Variants in THSD7B observed in about 807,000 individuals in gnomAD.
The protein encoded by THSD7B is thrombospondin type-1 domain-containing protein 7B.
In THSD7B, 138 loss-of-function variants were observed where a neutral mutation model predicts 213.6. The ratio of observed to expected loss-of-function variants is 0.65; its 90% CI spans 0.56 to 0.74. THSD7B has a LOEUF of 0.74. Ranked by LOEUF, THSD7B falls within the 30% of genes least tolerant of loss-of-function variation. The pLI is 0.00. For synonymous variants in THSD7B, 742 were observed against 687.0 expected, an observed-to-expected ratio of 1.08 and a Z score of -1.25; for missense variants, 1,931 against 1,991.5, an observed-to-expected ratio of 0.97 and a Z score of 0.58.
intron 17 of THSD7B, among the ~76,000 whole-genome samples, chr2:137,583,288 T>C (rs1459297613): frequency 2.0e-5 from 3 of 152,216 alleles, no homozygotes; most frequent in Non-Finnish European, 4.4e-5. Context: ...TTCTGTAGGT[T>C]GCCTGTTCAC....
intron 15 of THSD7B, among the ~76,000 whole-genome samples, chr2:137,502,531 C>T (rs563342805): frequency 2.8e-4 from 43 of 152,214 alleles, no homozygotes; most frequent in African/African-American, 1.0e-3. Context: ...TCTTGCTAAC[C>T]TTGACTTGGT....
chr2:137,546,402 TA>T (rs1469276441), intron 15 of THSD7B, among the ~76,000 whole-genome samples: 1 of 43,456 alleles, frequency 2.3e-5, no homozygotes, highest in South Asian at 6.4e-4. Flanking sequence ...ATATTATATA[TA>T]TTATATATAT....
At chr2:136,965,778 C>G (rs2105090591) in intron 2 of THSD7B, among the ~76,000 whole-genome samples, 1 of 152,212 alleles carries the variant, frequency 6.6e-6, no homozygotes. Context: ...TACCTCCAAA[C>G]TTGTAAACTT....
At chr2:137,472,950 A>G (rs542990997) in intron 15 of THSD7B, among the ~76,000 whole-genome samples, 129 of 152,314 alleles carry the variant, frequency 8.5e-4, no homozygotes, top group African/African-American at 3.1e-3. Flanking sequence ...AATCATACTC[A>G]TTAATATCAC....
chr2:137,601,964 A>G (rs1386485515), intron 17 of THSD7B, among the ~76,000 whole-genome samples: 1 of 152,220 alleles, frequency 6.6e-6, no homozygotes, highest in Non-Finnish European at 1.5e-5. Context: ...CCTATTCAAT[A>G]GAGTGCTCTG....
intron 2 of THSD7B, among the ~76,000 whole-genome samples, chr2:137,046,353 T>G (rs1352501113): frequency 6.6e-6 from 1 of 151,654 alleles, no homozygotes; most frequent in Non-Finnish European, 1.5e-5. Context: ...GAGGGAAGAG[T>G]TCTCTACAGA....
intron 2 of THSD7B, among the ~76,000 whole-genome samples, chr2:137,022,559 A>G (rs753352378): frequency 3.9e-5 from 6 of 152,044 alleles, no homozygotes; most frequent in African/African-American, 1.4e-4. Context: ...TTTTTTTTAT[A>G]TGAATAACAC....
intron 2 of THSD7B, among the ~76,000 whole-genome samples, chr2:137,049,671 T>A (rs1687033216): frequency 6.6e-6 from 1 of 152,184 alleles, no homozygotes; most frequent in East Asian, 1.9e-4. Context: ...GCAGTTTGAC[T>A]GATGTTCTCA....
In THSD7B at chr2:137,535,056, G is replaced by A. The variant is rs575051338; in HGVS notation, c.3139-28165G>A. ...TATTCTTTAACATTTTATTTAACTT[G>A]ATGGTCTTATGGTACTACAAAAAGT... On this transcript the variant is annotated intron_variant, in intron 15 of 27. Coordinates refer to ENST00000409968, the MANE Select transcript of THSD7B (RefSeq NM_001316349.2). Among the ~76,000 whole-genome samples the A allele has an allele frequency of 1.6e-4, 24 of 151,762 alleles. No homozygotes were observed. The South Asian group carries it at 4.6e-3, about 29-fold the overall frequency.
chr2:136,905,026 C>A (rs1176450912), intron 2 of THSD7B, among the ~76,000 whole-genome samples: 1 of 152,206 alleles, frequency 6.6e-6, no homozygotes, highest in East Asian at 1.9e-4. Context: ...CTTTCACCTT[C>A]ACACTTACTG....
chr2:137,555,357 C>T (rs969269039), intron 15 of THSD7B, among the ~76,000 whole-genome samples: 3 of 152,160 alleles, frequency 2.0e-5, no homozygotes, highest in Non-Finnish European at 2.9e-5. Flanking sequence ...TCCAGGGGAA[C>T]GATTAGACAG....
At chr2:137,252,708 G>A (rs1257483044) in intron 10 of THSD7B, among the ~76,000 whole-genome samples, 3 of 152,186 alleles carry the variant, frequency 2.0e-5, no homozygotes, top group African/African-American at 7.2e-5. Flanking sequence ...GATGCACAAA[G>A]GTGGCAGAGA....
At position 136,976,846 on chromosome 2, in the gene THSD7B, C is replaced by A. The variant is rs377176788; in HGVS notation, c.140-79574C>A. On this transcript the variant is annotated intron_variant, in intron 2 of 27. Coordinates refer to ENST00000409968, the MANE Select transcript of THSD7B (RefSeq NM_001316349.2). ...CTGTGTTAGCCAGGATAGTCTCAATCTCCTGACCTCGTGATCCACCCGCCT... is the reference window on the plus strand; with the variant it reads ...CTGTGTTAGCCAGGATAGTCTCAATATCCTGACCTCGTGATCCACCCGCCT... Among the ~76,000 whole-genome samples the A allele has an allele frequency of 1.7e-3, 266 of 152,212 alleles. 1 individual carries two copies. The highest frequency in any genetic ancestry group is 6.2e-3 in the African/African-American group (258 of 41,532).
intron 2 of THSD7B, among the ~76,000 whole-genome samples, chr2:137,005,436 T>C (rs1477113111): frequency 1.3e-5 from 2 of 152,242 alleles, no homozygotes; most frequent in African/African-American, 4.8e-5. Flanking sequence ...TCCTTTACTT[T>C]GTTTGACTGG....
At chr2:136,946,272 G>T (rs908298325) in intron 2 of THSD7B, among the ~76,000 whole-genome samples, 2 of 152,140 alleles carry the variant, frequency 1.3e-5, no homozygotes, top group African/African-American at 2.4e-5. Context: ...GACCCTGTTT[G>T]CCTGGGTATC....
rs184505934 is a variant in THSD7B, at chr2:137,642,916, T to C, written c.3945+283T>C. Among the ~76,000 whole-genome samples the C allele has an allele frequency of 3.5e-3, 539 of 152,322 alleles. 1 individual carries two copies. Among genetic ancestry groups the C allele is most frequent in the Middle Eastern group, 6.8e-3 (2 of 294 alleles). On this transcript the variant is annotated intron_variant, in intron 21 of 27. Coordinates refer to ENST00000409968, the MANE Select transcript of THSD7B (RefSeq NM_001316349.2). Reference sequence around the variant, plus strand: ...CATCCTTAAGAATTCTGTTATTTTATTGGCTTGTTGGGAATATCAAAGGAT... The same window carrying C: ...CATCCTTAAGAATTCTGTTATTTTACTGGCTTGTTGGGAATATCAAAGGAT...
At chr2:137,581,612 C>A (rs111978614) in intron 17 of THSD7B, among the ~76,000 whole-genome samples, 1 of 151,530 alleles carries the variant, frequency 6.6e-6, no homozygotes, top group Non-Finnish European at 1.5e-5. Flanking sequence ...AGAGAGACTC[C>A]GTTTCAAAAA....
intron 3 of THSD7B, among the ~76,000 whole-genome samples, chr2:137,062,603 C>G (rs907352204): frequency 2.0e-5 from 3 of 151,584 alleles, no homozygotes; most frequent in Non-Finnish European, 4.4e-5. Flanking sequence ...TGTTTAATCT[C>G]TATATATTTT....
intron 2 of THSD7B, among the ~76,000 whole-genome samples, chr2:137,052,522 G>A (rs547399926): frequency 5.9e-5 from 9 of 151,868 alleles, no homozygotes; most frequent in African/African-American, 2.2e-4. Flanking sequence ...TAGATTATTT[G>A]TGAATACTGT....
Sources: gnomAD v4.1 joint callset for allele counts (sites outside exome capture counted in the v4.1 genomes callset) on GRCh38, gnomAD v4.1.1 for gene constraint, MANE v1.5 for transcripts, NCBI Gene and HGNC (gene_info 2026-07-23, HGNC 2026-07-21) for gene names.